PRPF40B: variants seen among roughly 807,000 people sequenced by gnomAD.
PRPF40B encodes pre-mRNA processing factor 40B, also known as pre-mRNA-processing factor 40 homolog B.
Under a neutral mutation model 124.5 loss-of-function variants are expected in PRPF40B, and 56 were observed. That is an observed-to-expected ratio of 0.45 (90% CI 0.36 to 0.56). PRPF40B has a LOEUF of 0.56. Among genes scored for constraint, PRPF40B ranks in the 20% least tolerant of loss-of-function variants. PRPF40B has a pLI of 0.00. For synonymous variants in PRPF40B, 443 were observed against 426.4 expected, an observed-to-expected ratio of 1.04 and a Z score of -0.48; for missense variants, 1,053 against 1,169.5, an observed-to-expected ratio of 0.90 and a Z score of 1.45.
rs751714555 is a variant in PRPF40B at position 49,633,930 on chromosome 12, CTCAGCCACA to C, written c.651_659del (p.Gln218_Gln220del). On this transcript the variant is annotated inframe_deletion, in exon 10 of 26. Coordinates refer to ENST00000548825, the MANE Select transcript of PRPF40B (RefSeq NM_001031698.3). ...CCACAGACACTTCAGCCACAGCCAC[CTCAGCCACA>C]GCCTGACCCCCCACCTGTGCCTCCT... The C allele has an allele frequency of 1.9e-6, 3 of 1,614,216 alleles. No individual in the cohort carries two copies. The Admixed American group carries it at 5.0e-5, about 27-fold the overall frequency.
chr12:49,636,104 C>A, intron 15 of PRPF40B, 111 bp downstream of exon 15: 2 of 1,354,702 alleles, frequency 1.5e-6, no homozygotes, highest in Non-Finnish European at 2.0e-6. Flanking sequence ...CCCGGACACC[C>A]TAGGAGTACT....
At chr12:49,637,630 GC>G in intron 17 of PRPF40B, 46 bp downstream of exon 17, 3 of 1,589,090 alleles carry the variant, frequency 1.9e-6, no homozygotes, top group Non-Finnish European at 2.6e-6. Flanking sequence ...TTCCTGCCCT[GC>G]CAGCCTCTCT....
In PRPF40B at chr12:49,634,393, G is replaced by C; in HGVS notation, c.874G>C (p.Gly292Arg). The change falls in exon 11 of 26, where the codon GGC (glycine) becomes CGC (arginine). Residue 292 changes from glycine (G) to arginine (R), a missense_variant. Gly to Arg is a moderately radical substitution (Grantham distance 125). This residue lies in a region of PRPF40B where 895 missense variants were observed against 1,052.2 expected (regional missense o/e 0.85). Transcript: ENST00000548825. The stretch of plus-strand genomic sequence containing the variant: ...ATCAAAGCCAGAACCAGAGAGGTCT[G>C]GCCTCAGTTGGAGCAACCGGGAGAA... ...EESKPEPERS[G>R]LSWSNREKAK... The C allele has an allele frequency of 6.2e-7, 1 of 1,614,236 alleles. No homozygotes were observed.
intron 1 of PRPF40B, among the ~76,000 whole-genome samples, chr12:49,626,165 A>G (rs1455079024): frequency 6.6e-6 from 1 of 152,214 alleles, no homozygotes; most frequent in Admixed American, 6.5e-5. Context: ...ATTTATACAG[A>G]TGTACATATG....
At chr12:49,636,034 C>A in intron 15 of PRPF40B, 41 bp downstream of exon 15, 1 of 1,609,270 alleles carries the variant, frequency 6.2e-7, no homozygotes, top group Non-Finnish European at 8.5e-7. Flanking sequence ...CTTTCCCTTT[C>A]TTTACTGGAC....
rs750660900 is a variant in PRPF40B, at chr12:49,633,849, TCTC to T, written c.606-31_606-29del. The T allele has an allele frequency of 1.2e-5, 19 of 1,611,990 alleles. No individual in the cohort carries two copies. In the African/African-American group the frequency reaches 2.4e-4, roughly 20 times the overall value. ...AGCCCCTGAAGTCCTCCATTCTTGC[TCTC>T]CTCCTGGACACCGCCCTTCTGGCTC... On this transcript the variant is annotated intron_variant, in intron 9 of 25. Transcript: ENST00000548825.
chr12:49,643,869 T>C lies in PRPF40B; in HGVS notation c.2451T>C (p.Pro817=), dbSNP rs964908429. ...TKKRRHKSNS[P]ESETDPEEKA... ...GCTCTGGACTCTTACAGAATAGTCC[T>C]GAGAGTGAGACAGACCCTGAGGAGA... Residue 817 remains proline, a synonymous_variant, in exon 25 of 26, where the codon CCT becomes CCC. Coordinates refer to ENST00000548825, the MANE Select transcript of PRPF40B (RefSeq NM_001031698.3). 1.2e-6 allele frequency: 2 copies of C among 1,614,016 alleles called. No homozygotes were observed. Among genetic ancestry groups the C allele is most frequent in the Non-Finnish European group, 1.7e-6 (2 of 1,180,008 alleles).
At position 49,635,507 on chromosome 12, in the gene PRPF40B, C is replaced by A. The variant is rs374069946; in HGVS notation, c.1275+34C>A. Reference sequence around the variant, plus strand: ...CCCTGGGCAGAATCCTTCAGCCCATCTCATCCTGGACTTTCCTTGTCTTTG... The same window carrying A: ...CCCTGGGCAGAATCCTTCAGCCCATATCATCCTGGACTTTCCTTGTCTTTG... On this transcript the variant is annotated intron_variant, in intron 14 of 25. Coordinates refer to ENST00000548825, the MANE Select transcript of PRPF40B (RefSeq NM_001031698.3). The surrounding 1 kb of genome is among the most constrained non-coding windows in gnomAD (Gnocchi z 4.1). 6 of 1,570,540 alleles carry A rather than the reference C, an allele frequency of 3.8e-6. No homozygotes were observed. Among genetic ancestry groups the A allele is most frequent in the Middle Eastern group, 3.5e-4 (2 of 5,782 alleles).
rs143123725 is a variant in PRPF40B at position 49,643,891 on chromosome 12, G to A, written c.2473G>A (p.Glu825Lys). 41 of 1,614,086 alleles carry A rather than the reference G, an allele frequency of 2.5e-5. No individual in the cohort carries two copies. Among genetic ancestry groups the A allele is most frequent in the Admixed American group, 6.7e-5 (4 of 60,012 alleles). ...NSPESETDPE[E>K]KAGKESDEKE... The stretch of plus-strand genomic sequence containing the variant: ...TCCTGAGAGTGAGACAGACCCTGAG[G>A]AGAAAGCTGGCAAGGAGAGCGATGA... Residue 825 changes from glutamate (E) to lysine (K), a missense_variant, in exon 25 of 26, where the codon GAG (glutamate) becomes AAG (lysine). Transcript: ENST00000548825.
At chr12:49,634,122 T>C in intron 10 of PRPF40B, 30 bp downstream of exon 10, 2 of 1,603,808 alleles carry the variant, frequency 1.2e-6, no homozygotes, top group Non-Finnish European at 1.7e-6. Flanking sequence ...GCATTCCCAA[T>C]GTTGGCCTCA....
At chr12:49,633,367 C>G (rs758338828) in intron 7 of PRPF40B, 60 bp from the exon 8 acceptor site, 219 of 1,609,128 alleles carry the variant, frequency 1.4e-4, no homozygotes, top group Non-Finnish European at 1.8e-4. Flanking sequence ...CCCTTAGCTC[C>G]CCTGACTGGC....
chr12:49,644,482 C>T lies in PRPF40B; in HGVS notation c.*290C>T, dbSNP rs1441987304. 6 of 423,670 alleles carry T rather than the reference C, an allele frequency of 1.4e-5. No homozygotes were observed. Among genetic ancestry groups the T allele is most frequent in the Non-Finnish European group, 2.7e-5 (6 of 224,474 alleles). 26.2% of individuals were successfully genotyped at this position (423,670 alleles called of 1,614,324 possible). A position where few individuals can be genotyped will look rare whatever the true frequency, so the allele number is the denominator to read the frequency against. On this transcript the variant is annotated 3_prime_UTR_variant, in exon 26 of 26. Coordinates refer to ENST00000548825, the MANE Select transcript of PRPF40B (RefSeq NM_001031698.3). The stretch of plus-strand genomic sequence containing the variant: ...GATAAAAGTGTGAGAGAAGGGGTCT[C>T]CAGGGAAGAGTCACAGGCTGTTGGA...
At position 49,635,843 on chromosome 12, in the gene PRPF40B, G is replaced by A. The variant is rs769439503; in HGVS notation, c.1276G>A (p.Glu426Lys). Residue 426 changes from glutamate to lysine, a missense_variant and splice_region_variant, in exon 15 of 26, where the codon GAA becomes AAA. Physicochemically the swap from Glu to Lys is moderately conservative, Grantham distance 56. Transcript: ENST00000548825. This position sits in a 1 kb window ranked among gnomAD's most constrained non-coding sequence, Gnocchi z 4.1. The part of the protein sequence containing the change: ...VLFFLAKKEK[E>K]QAKQLRRRNI... ...TCACCCTGATCCTGTGGCTCCCTAG[G>A]AACAGGCCAAGCAGCTCCGGCGCCG... 1.2e-6 allele frequency: 2 copies of A among 1,613,624 alleles called. No individual in the cohort carries two copies. Among genetic ancestry groups the A allele is most frequent in the Admixed American group, 3.3e-5 (2 of 59,994 alleles).
At chr12:49,628,757 A>G (rs1230487229) in intron 1 of PRPF40B, among the ~76,000 whole-genome samples, 5 of 151,286 alleles carry the variant, frequency 3.3e-5, no homozygotes, top group Non-Finnish European at 7.4e-5. Flanking sequence ...TAGTAGAGAC[A>G]GGATTTCACC....
At position 49,634,081 on chromosome 12, in the gene PRPF40B, G is replaced by A. The variant is rs551669103; in HGVS notation, c.801G>A (p.Glu267=). ...AGGGGTTCCTGCAGCAGCTGGAGGA[G>A]GGCCCCAGCAGGTGAGGGCTGCCCC... ...LEQGFLQQLE[E]GPSSSGQHQP... Residue 267 remains glutamate (E), a synonymous_variant, in exon 10 of 26, where the codon GAG becomes GAA. Transcript: ENST00000548825. 2.7e-4 allele frequency: 431 copies of A among 1,612,506 alleles called. No homozygotes were observed. The highest frequency in any genetic ancestry group is 3.5e-4 in the Non-Finnish European group (413 of 1,179,794).
intron 1 of PRPF40B, among the ~76,000 whole-genome samples, chr12:49,626,325 C>G (rs1940710229): frequency 6.6e-6 from 1 of 152,182 alleles, no homozygotes; most frequent in Non-Finnish European, 1.5e-5. Context: ...AAGGAGAAAA[C>G]TCAATCCCTG....
chr12:49,623,472 C>G, upstream of PRPF40B: 1 of 1,138,680 alleles, frequency 8.8e-7, no homozygotes, highest in Non-Finnish European at 1.1e-6. Context: ...CACCGGAGCC[C>G]CGGCCACGAA....
intron 4 of PRPF40B, chr12:49,632,307 C>A: frequency 3.5e-6 from 2 of 566,704 alleles, no homozygotes; most frequent in South Asian, 4.9e-5. Context: ...GTAGCAGAGT[C>A]TGGGTAGGAT....
In PRPF40B at chr12:49,631,475, C is replaced by G; in HGVS notation, c.159C>G (p.Ile53Met). 1 of 1,516,382 alleles carries G rather than the reference C, an allele frequency of 6.6e-7. No individual in the cohort carries two copies. Among genetic ancestry groups the G allele is most frequent in the Non-Finnish European group, 8.8e-7 (1 of 1,134,046 alleles). 93.9% of individuals were successfully genotyped at this position (1,516,382 alleles called of 1,614,324 possible). A position where few individuals can be genotyped will look rare whatever the true frequency, so the allele number is the denominator to read the frequency against. Residue 53 changes from isoleucine to methionine, a missense_variant, in exon 3 of 26, where the codon ATC (isoleucine) becomes ATG (methionine). By Grantham distance (10) the Ile-to-Met change is conservative (BLOSUM62 1). Transcript: ENST00000548825. The surrounding 1 kb of genome is among the most constrained non-coding windows in gnomAD (Gnocchi z 4.3). ...CCATGAGTCAGAGACCACCAGCTATCCCCCCCATGCCACCTGGCATCCTGC... is the reference window on the plus strand; with the variant it reads ...CCATGAGTCAGAGACCACCAGCTATGCCCCCCATGCCACCTGGCATCCTGC... ...LPPMSQRPPA[I>M]PPMPPGILPP...
Sources: allele counts gnomAD v4.1 joint callset (sites outside exome capture counted in the v4.1 genomes callset), GRCh38; gene constraint gnomAD v4.1.1; regional missense constraint gnomAD v4.1.1; non-coding constraint Gnocchi (gnomAD v3.1); transcripts MANE v1.5; gene names NCBI Gene and HGNC (gene_info 2026-07-23, HGNC 2026-07-21).